Variants in UTRN observed in about 807,000 individuals in gnomAD.
UTRN encodes dystrophin-related protein 1.
A neutral mutation model predicts 463.9 loss-of-function variants in UTRN; 283 were observed. The observed-to-expected ratio is 0.61, with a 90% confidence interval of 0.55 to 0.67. The LOEUF is 0.67. Ranked by LOEUF, UTRN falls within the 30% of genes least tolerant of loss-of-function variation. The pLI, the probability that UTRN is intolerant of heterozygous loss-of-function variation, is 0.00. For missense variants in UTRN, 3,922 were observed against 4,084.3 expected, an observed-to-expected ratio of 0.96 and a Z score of 1.08; for synonymous variants, 1,442 against 1,431.5, an observed-to-expected ratio of 1.01 and a Z score of -0.17.
chr6:144,314,108 A>G (rs1381706809), intron 2 of UTRN, among the ~76,000 whole-genome samples: 1 of 152,236 alleles, frequency 6.6e-6, no homozygotes, highest in Non-Finnish European at 1.5e-5. Context: ...CAGCTTAAAA[A>G]AAGAGAAAAA....
At chr6:144,665,208 T>A (rs1780265014) in intron 51 of UTRN, among the ~76,000 whole-genome samples, 1 of 152,208 alleles carries the variant, frequency 6.6e-6, no homozygotes, top group African/African-American at 2.4e-5. Context: ...AGAGGATGAA[T>A]CTAGTCTAGC....
At chr6:144,462,552 TA>T in intron 22 of UTRN, 101 bp from the exon 23 acceptor site, 1 of 1,078,522 alleles carries the variant, frequency 9.3e-7, no homozygotes, top group Non-Finnish European at 1.3e-6. Flanking sequence ...AAATGCTTTC[TA>T]ATGCATTTTA....
intron 2 of UTRN, among the ~76,000 whole-genome samples, chr6:144,400,057 C>G (rs966779325): frequency 3.9e-5 from 6 of 152,080 alleles, no homozygotes; most frequent in Admixed American, 3.3e-4. Flanking sequence ...GTGTTCATCC[C>G]TCTAATGGAG....
chr6:144,775,364 T>G (rs1174623506), intron 60 of UTRN, among the ~76,000 whole-genome samples: 1 of 151,948 alleles, frequency 6.6e-6, no homozygotes, highest in African/African-American at 2.4e-5. Flanking sequence ...GGAAGAGAAG[T>G]CTACAGGGCT....
At chr6:144,495,810 A>G (rs1179935590) in intron 33 of UTRN, among the ~76,000 whole-genome samples, 1 of 152,238 alleles carries the variant, frequency 6.6e-6, no homozygotes, top group Non-Finnish European at 1.5e-5. Context: ...GCAACATGTA[A>G]GATTTTTCTA....
In UTRN at chr6:144,444,292, G is replaced by A. The variant is rs1269276452; in HGVS notation, c.1524G>A (p.Glu508=). 6.2e-7 allele frequency: 1 copy of A among 1,610,836 alleles called. No homozygotes were observed. Among genetic ancestry groups the A allele is most frequent in the East Asian group, 2.2e-5 (1 of 44,598 alleles). Residue 508 remains glutamate, a synonymous_variant, in exon 14 of 75, where the codon GAG becomes GAA. Coordinates refer to ENST00000367545, the MANE Select transcript of UTRN (RefSeq NM_007124.3). The part of the protein sequence containing the change: ...ILEDQLQKLG[E]RWTAVCRWTE... ...TCTCCTTTTTCTAGAAACTTGGTGA[G>A]CGCTGGACAGCAGTATGCCGTTGGA... is the stretch of plus-strand genomic sequence containing the variant.
chr6:144,839,005 C>G (rs1781332178), intron 71 of UTRN, 168 bp from the exon 72 acceptor site: 1 of 540,310 alleles, frequency 1.9e-6, no homozygotes, highest in African/African-American at 1.9e-5. Context: ...AAGAGAAGGA[C>G]CAAAGCCCCC....
intron 9 of UTRN, among the ~76,000 whole-genome samples, chr6:144,435,276 T>C (rs1244765817): frequency 6.6e-6 from 1 of 152,160 alleles, no homozygotes; most frequent in Non-Finnish European, 1.5e-5. Context: ...GGAGAGTCAA[T>C]TTGGTTATAA....
chr6:144,327,498 C>T (rs1004288232), intron 2 of UTRN, among the ~76,000 whole-genome samples: 1 of 152,174 alleles, frequency 6.6e-6, no homozygotes, highest in East Asian at 1.9e-4. Context: ...GCCCACTGGC[C>T]TAACTCCCTC....
intron 65 of UTRN, among the ~76,000 whole-genome samples, chr6:144,809,865 T>C (rs1586663692): frequency 6.6e-6 from 1 of 152,236 alleles, no homozygotes; most frequent in African/African-American, 2.4e-5. Context: ...CTTAGTTTCA[T>C]AGTTGAGGCT....
At chr6:144,576,398 A>G (rs989975461) in intron 50 of UTRN, among the ~76,000 whole-genome samples, 5 of 152,206 alleles carry the variant, frequency 3.3e-5, no homozygotes, top group Non-Finnish European at 5.9e-5. Context: ...TAACTCCAAG[A>G]TAGCTCTGTG....
chr6:144,449,817 C>G (rs967842265), intron 17 of UTRN, among the ~76,000 whole-genome samples: 1 of 152,150 alleles, frequency 6.6e-6, no homozygotes, highest in Non-Finnish European at 1.5e-5. Flanking sequence ...AGAAGACAGT[C>G]TTGGTTTGAA....
chr6:144,514,281 A>G (rs1387649815), intron 36 of UTRN, among the ~76,000 whole-genome samples: 1 of 152,242 alleles, frequency 6.6e-6, no homozygotes, highest in Non-Finnish European at 1.5e-5. Flanking sequence ...ATAAGATGCC[A>G]ATGAGTCTTG....
chr6:144,410,275 T>A (rs892192472), intron 3 of UTRN, among the ~76,000 whole-genome samples: 1 of 152,210 alleles, frequency 6.6e-6, no homozygotes, highest in African/African-American at 2.4e-5. Flanking sequence ...TGGAAGCCTA[T>A]CTTTTGAAGG....
intron 52 of UTRN, among the ~76,000 whole-genome samples, chr6:144,689,922 A>G (rs9390193): frequency 0.099 from 14,987 of 151,418 alleles, 1,258 homozygotes; most frequent in East Asian, 0.48. Context: ...TCATGGAGTG[A>G]GTCAGTTGGC....
At chr6:144,788,405 C>G (rs896394986) in intron 61 of UTRN, among the ~76,000 whole-genome samples, 1 of 151,970 alleles carries the variant, frequency 6.6e-6, no homozygotes, top group African/African-American at 2.4e-5. Flanking sequence ...AAGTTGTAAG[C>G]TCTTAGTATA....
intron 12 of UTRN, among the ~76,000 whole-genome samples, chr6:144,439,603 C>T (rs1474639626): frequency 1.3e-5 from 2 of 152,114 alleles, no homozygotes; most frequent in South Asian, 2.1e-4. Flanking sequence ...AGTGATTCTC[C>T]CACCTCAGTC....
At chr6:144,644,251 A>G (rs1430164211) in intron 51 of UTRN, among the ~76,000 whole-genome samples, 1 of 152,096 alleles carries the variant, frequency 6.6e-6, no homozygotes, top group Non-Finnish European at 1.5e-5. Flanking sequence ...TATTGGAAAA[A>G]TCTCCCTGAT....
intron 65 of UTRN, among the ~76,000 whole-genome samples, chr6:144,820,615 G>A (rs1779522470): frequency 6.6e-6 from 1 of 152,080 alleles, no homozygotes; most frequent in African/African-American, 2.4e-5. Flanking sequence ...ATACTTTTTG[G>A]CCCAAGTTTT....
Sources: allele counts gnomAD v4.1 joint callset (sites outside exome capture counted in the v4.1 genomes callset), GRCh38; gene constraint gnomAD v4.1.1; transcripts MANE v1.5; gene names NCBI Gene and HGNC (gene_info 2026-07-23, HGNC 2026-07-21).